Variants in SPATS2 observed in about 807,000 individuals in gnomAD.
The protein encoded by SPATS2 is spermatogenesis associated serine rich 2.
A neutral mutation model predicts 63.7 loss-of-function variants in SPATS2; 38 were observed. The observed-to-expected ratio is 0.60, with a 90% CI of 0.46 to 0.78. The LOEUF (loss-of-function observed/expected upper bound fraction) is 0.78. SPATS2 is among the 30% of genes least tolerant of loss of function. SPATS2 has a pLI of 0.00. For missense variants in SPATS2, 588 were observed against 666.2 expected, an observed-to-expected ratio of 0.88 and a Z score of 1.29; for synonymous variants, 207 against 232.9, an observed-to-expected ratio of 0.89 and a Z score of 1.01.
intron 2 of SPATS2, among the ~76,000 whole-genome samples, chr12:49,431,285 G>C (rs1945181020): frequency 6.6e-6 from 1 of 151,706 alleles, no homozygotes; most frequent in African/African-American, 2.4e-5. Context: ...GCCTCGCTCT[G>C]TCGCCCAGGC....
intron 4 of SPATS2, among the ~76,000 whole-genome samples, chr12:49,488,033 A>G (rs1222359721): frequency 1.3e-5 from 2 of 151,574 alleles, no homozygotes; most frequent in Non-Finnish European, 2.9e-5. Flanking sequence ...AATGATGTAT[A>G]TTATTTTTCA....
At chr12:49,472,011 T>C (rs574810981) in intron 3 of SPATS2, among the ~76,000 whole-genome samples, 1 of 149,702 alleles carries the variant, frequency 6.7e-6, no homozygotes, top group South Asian at 2.1e-4. Flanking sequence ...TGGTGGGGCG[T>C]GTCTTTAGTC....
At chr12:49,376,091 G>C (rs1201401804) in intron 2 of SPATS2, among the ~76,000 whole-genome samples, 1 of 118,276 alleles carries the variant, frequency 8.5e-6, no homozygotes, top group Non-Finnish European at 1.7e-5. Flanking sequence ...CACCTGGCCT[G>C]ATTTTTTTTT....
chr12:49,441,012 C>T (rs1385722238), intron 2 of SPATS2, among the ~76,000 whole-genome samples: 1 of 152,182 alleles, frequency 6.6e-6, no homozygotes, highest in African/African-American at 2.4e-5. Flanking sequence ...TTTCCTCCTT[C>T]TCAAATACAT....
At chr12:49,437,632 G>T (rs1369262368) in intron 2 of SPATS2, among the ~76,000 whole-genome samples, 6 of 152,226 alleles carry the variant, frequency 3.9e-5, no homozygotes, top group Non-Finnish European at 8.8e-5. Context: ...CTGGAGACCA[G>T]CCCGGCCAAC....
chr12:49,421,235 T>A (rs1199269914), intron 2 of SPATS2, among the ~76,000 whole-genome samples: 1 of 151,810 alleles, frequency 6.6e-6, no homozygotes, highest in Non-Finnish European at 1.5e-5. Context: ...CTGGCCAACA[T>A]AGCAAAAGCC....
At chr12:49,457,200 G>T (rs1490442903) in intron 2 of SPATS2, among the ~76,000 whole-genome samples, 1 of 151,984 alleles carries the variant, frequency 6.6e-6, no homozygotes, top group Non-Finnish European at 1.5e-5. Flanking sequence ...TCCAGGTTGG[G>T]TTCTTCATCT....
chr12:49,367,217 A>G (rs1413057572), upstream of SPATS2: 1 of 213,608 alleles, frequency 4.7e-6, no homozygotes, highest in East Asian at 1.0e-4. Flanking sequence ...TGGCTGCCAC[A>G]GCCTCGAGCT....
intron 2 of SPATS2, among the ~76,000 whole-genome samples, chr12:49,399,421 C>A (rs993605646): frequency 2.0e-5 from 3 of 152,068 alleles, no homozygotes; most frequent in African/African-American, 7.2e-5. Context: ...GAAATAAGCC[C>A]AAGATGGATA....
intron 3 of SPATS2, among the ~76,000 whole-genome samples, chr12:49,480,609 AC>A (rs1472629993): frequency 1.3e-5 from 2 of 152,124 alleles, no homozygotes; most frequent in Admixed American, 6.5e-5. Context: ...CCTCTTAGAG[AC>A]CTTGGTGACA....
chr12:49,485,997 G>A (rs1267389361), intron 4 of SPATS2, among the ~76,000 whole-genome samples: 2 of 151,570 alleles, frequency 1.3e-5, no homozygotes, highest in Non-Finnish European at 1.5e-5. Flanking sequence ...GACCTCAGGC[G>A]ATCTGCCTGC....
chr12:49,425,380 T>G (rs1945056064), intron 2 of SPATS2, among the ~76,000 whole-genome samples: 1 of 152,224 alleles, frequency 6.6e-6, no homozygotes, highest in South Asian at 2.1e-4. Context: ...GGTCTCACTC[T>G]GTTGCAGAGG....
At position 49,527,024 on chromosome 12, in the gene SPATS2, C is replaced by G. The variant is rs1302962503; in HGVS notation, c.*769C>G. On this transcript the variant is annotated 3_prime_UTR_variant, in exon 14 of 14. Coordinates refer to ENST00000552918, the MANE Select transcript of SPATS2 (RefSeq NM_023071.4). ...CGGGTGGATCACTAGGTCAGGAGTT[C>G]AAGACCAGCCTGGCCAACATGGTGA... The G allele has an allele frequency of 1.3e-5, 2 of 151,684 alleles. No individual in the cohort carries two copies. The highest frequency in any genetic ancestry group is 2.9e-5 in the Non-Finnish European group (2 of 67,956). The allele number at this position is 151,684 out of a possible 1,614,324, so 9.4% of individuals were successfully genotyped here.
chr12:49,368,933 C>G (rs992129840), intron 1 of SPATS2, among the ~76,000 whole-genome samples: 1 of 150,758 alleles, frequency 6.6e-6, no homozygotes, highest in Non-Finnish European at 1.5e-5. Flanking sequence ...TACAAAGGTC[C>G]AAAAATAATG....
chr12:49,396,206 A>G (rs1361155363), intron 2 of SPATS2, among the ~76,000 whole-genome samples: 1 of 152,226 alleles, frequency 6.6e-6, no homozygotes, highest in Admixed American at 6.5e-5. Flanking sequence ...TGAACGTAGG[A>G]ATGAAAATAC....
At chr12:49,372,877 G>C (rs762085241) in intron 2 of SPATS2, among the ~76,000 whole-genome samples, 2 of 150,592 alleles carry the variant, frequency 1.3e-5, no homozygotes, top group Non-Finnish European at 3.0e-5. Flanking sequence ...AATATAATAG[G>C]TTGAAATGGC....
intron 2 of SPATS2, among the ~76,000 whole-genome samples, chr12:49,453,051 C>T (rs981298899): frequency 4.0e-5 from 6 of 150,292 alleles, no homozygotes; most frequent in Admixed American, 2.0e-4. Context: ...CCCAGCTACT[C>T]GGGAGGCTGA....
intron 2 of SPATS2, among the ~76,000 whole-genome samples, chr12:49,414,757 C>G (rs1217985119): frequency 6.6e-6 from 1 of 151,826 alleles, no homozygotes; most frequent in African/African-American, 2.4e-5. Context: ...CAGGCACATG[C>G]CTGGCTAATT....
In SPATS2 at chr12:49,380,796, T is replaced by G. The variant is rs1043145095; in HGVS notation, c.-244+9506T>G. On this transcript the variant is annotated intron_variant, in intron 2 of 13. Transcript: ENST00000552918. ...CTGTGAAGAAGGTTACTGTGAACAT[T>G]CATGTATAGTATTTGTTTGAATACC... Among the ~76,000 whole-genome samples, 20 of 152,196 alleles carry G rather than the reference T, an allele frequency of 1.3e-4. 1 individual carries two copies. The highest frequency in any genetic ancestry group is 1.1e-3 in the Admixed American group (17 of 15,288).
Sources: allele counts gnomAD v4.1 joint callset (sites outside exome capture counted in the v4.1 genomes callset), GRCh38; gene constraint gnomAD v4.1.1; transcripts MANE v1.5; gene names NCBI Gene and HGNC (gene_info 2026-07-23, HGNC 2026-07-21).